Variants in ZBTB20 observed in about 807,000 individuals in gnomAD.
ZBTB20 encodes the protein zinc finger and BTB domain-containing protein 20.
Under a neutral mutation model 56.9 loss-of-function variants are expected in ZBTB20, and 9 were observed. The observed-to-expected ratio is 0.16, with a 90% confidence interval of 0.10 to 0.28. ZBTB20 has a LOEUF of 0.28. Ranked by LOEUF, ZBTB20 falls within the 10% of genes least tolerant of loss-of-function variation. ZBTB20 has a pLI of 1.00. For missense variants in ZBTB20, 655 were observed against 1,003.0 expected (o/e 0.65, Z 4.69); for synonymous variants, 417 against 420.7 (o/e 0.99, Z 0.11).
chr3:114,558,170 C>T (rs2051499592), intron 6 of ZBTB20, among the ~76,000 whole-genome samples: 1 of 151,974 alleles, frequency 6.6e-6, no homozygotes. Context: ...GACATTTAAA[C>T]TTCTATTAAA....
At position 114,586,624 on chromosome 3, in the gene ZBTB20, A is replaced by T. The variant is rs543202435; in HGVS notation, c.-294-86233T>A. Among the ~76,000 whole-genome samples the T allele has an allele frequency of 2.0e-5, 3 of 152,352 alleles. No individual in the cohort carries two copies. In the South Asian group the frequency reaches 6.2e-4, roughly 32 times the overall value. On this transcript the variant is annotated intron_variant, in intron 6 of 11. Coordinates refer to ENST00000675478, the MANE Select transcript of ZBTB20 (RefSeq NM_001348800.3). Reference sequence around the variant, plus strand: ...CAGAGAACATTTTAACTGTGGTAAAATAAAGTAATATAATATCAAATTAAT... The same window carrying T: ...CAGAGAACATTTTAACTGTGGTAAATTAAAGTAATATAATATCAAATTAAT...
chr3:114,593,844 G>A (rs567353936), intron 6 of ZBTB20, among the ~76,000 whole-genome samples: 19 of 152,248 alleles, frequency 1.2e-4, no homozygotes, highest in East Asian at 1.9e-4. Context: ...ACTCATCTCC[G>A]TAATATAGTA....
intron 3 of ZBTB20, among the ~76,000 whole-genome samples, chr3:114,910,122 T>C (rs1006280061): frequency 6.6e-6 from 1 of 151,968 alleles, no homozygotes; most frequent in African/African-American, 2.4e-5. Context: ...CTGAATACTA[T>C]GAAATACTTT....
At chr3:114,838,230 A>C (rs1469506749) in intron 4 of ZBTB20, among the ~76,000 whole-genome samples, 1 of 152,218 alleles carries the variant, frequency 6.6e-6, no homozygotes, top group Non-Finnish European at 1.5e-5. Context: ...AAGCATTTTT[A>C]GGGAAAATAA....
intron 3 of ZBTB20, among the ~76,000 whole-genome samples, chr3:114,943,687 A>T (rs1412263133): frequency 2.1e-5 from 3 of 145,480 alleles, no homozygotes; most frequent in Admixed American, 2.0e-4. Flanking sequence ...AGAAATAAGG[A>T]TGATAATAAA....
At chr3:114,443,039 C>A (rs941725155) in intron 7 of ZBTB20, among the ~76,000 whole-genome samples, 1 of 152,054 alleles carries the variant, frequency 6.6e-6, no homozygotes, top group Non-Finnish European at 1.5e-5. Flanking sequence ...CAAATTTAGA[C>A]CAGATTACAC....
In ZBTB20 at chr3:115,143,011, G is replaced by GA. The variant is rs902700329; in HGVS notation, c.-703+4207dup. 3.3e-5 allele frequency among the ~76,000 whole-genome samples: 5 copies of GA among 151,994 alleles called. No individual in the cohort carries two copies. In the South Asian group the frequency reaches 6.2e-4, roughly 19 times the overall value. On this transcript the variant is annotated intron_variant, in intron 1 of 11. Transcript: ENST00000675478. ...AAGTAAGACTCACCATGACAGATGGGAAAAAAAATTAAAAAGGAAAAACTG... is the reference window on the plus strand; with the variant it reads ...AAGTAAGACTCACCATGACAGATGGGAAAAAAAAATTAAAAAGGAAAAACTG...
At chr3:115,005,454 T>A (rs1455059526) in intron 2 of ZBTB20, among the ~76,000 whole-genome samples, 2 of 151,834 alleles carry the variant, frequency 1.3e-5, no homozygotes, top group African/African-American at 4.8e-5. Context: ...GTTTAGTTGC[T>A]ATTACTATTT....
rs1436898926 is a variant in ZBTB20 at position 114,988,602 on chromosome 3, T to C, written c.-506-14186A>G. 2.6e-5 allele frequency among the ~76,000 whole-genome samples: 4 copies of C among 152,292 alleles called. No homozygotes were observed. The East Asian group carries it at 7.7e-4, about 29-fold the overall frequency. ...TTACAGCAGCATGATTTATAATCCT[T>C]TGGGTATATACTCAGTAATGAGATG... is the stretch of plus-strand genomic sequence containing the variant. On this transcript the variant is annotated intron_variant, in intron 2 of 11. Transcript: ENST00000675478.
chr3:114,363,247 AGAAT>A (rs1192491919), intron 10 of ZBTB20, among the ~76,000 whole-genome samples: 1 of 152,210 alleles, frequency 6.6e-6, no homozygotes, highest in African/African-American at 2.4e-5. Flanking sequence ...ATCAGCTATT[AGAAT>A]GATCCCTTAT....
intron 1 of ZBTB20, among the ~76,000 whole-genome samples, chr3:115,127,091 G>A (rs2084354090): frequency 6.6e-6 from 1 of 152,150 alleles, no homozygotes; most frequent in Non-Finnish European, 1.5e-5. Context: ...TTGAGATTCT[G>A]CATTTTAAGC....
At chr3:114,953,352 A>C (rs2077138220) in intron 3 of ZBTB20, among the ~76,000 whole-genome samples, 1 of 152,062 alleles carries the variant, frequency 6.6e-6, no homozygotes, top group Non-Finnish European at 1.5e-5. Context: ...TATAAAATGA[A>C]AGACATTAAT....
chr3:114,531,863 G>A (rs935157469), intron 6 of ZBTB20, among the ~76,000 whole-genome samples: 4 of 152,172 alleles, frequency 2.6e-5, no homozygotes, highest in South Asian at 2.1e-4. Context: ...GTGGGGCATC[G>A]CTTCACCCAG....
intron 1 of ZBTB20, among the ~76,000 whole-genome samples, chr3:115,146,362 A>G (rs980001950): frequency 7.2e-6 from 1 of 137,994 alleles, no homozygotes. Flanking sequence ...CTTAAAAAGG[A>G]TAACAGCTGG....
intron 1 of ZBTB20, among the ~76,000 whole-genome samples, chr3:115,077,017 A>C (rs773466344): frequency 6.6e-5 from 10 of 152,174 alleles, no homozygotes; most frequent in Non-Finnish European, 1.5e-4. Flanking sequence ...CTCAGGCGGT[A>C]ATGCTCACTG....
chr3:114,932,698 C>A (rs1343874834), intron 3 of ZBTB20, among the ~76,000 whole-genome samples: 1 of 152,126 alleles, frequency 6.6e-6, no homozygotes, highest in Non-Finnish European at 1.5e-5. Context: ...TTGGAAACAA[C>A]CCCATGAAAC....
At chr3:114,835,728 T>C (rs561985947) in intron 4 of ZBTB20, among the ~76,000 whole-genome samples, 1 of 152,302 alleles carries the variant, frequency 6.6e-6, no homozygotes, top group South Asian at 2.1e-4. Flanking sequence ...TGGTAGTCCA[T>C]AGATACCTAA....
At chr3:114,551,950 C>T (rs890285246) in intron 6 of ZBTB20, among the ~76,000 whole-genome samples, 22 of 152,244 alleles carry the variant, frequency 1.4e-4, no homozygotes, top group African/African-American at 5.1e-4. Context: ...CGGCTCACAT[C>T]TATAATCCCA....
chr3:115,057,467 C>T (rs1006202770), intron 2 of ZBTB20, among the ~76,000 whole-genome samples: 3 of 152,104 alleles, frequency 2.0e-5, no homozygotes, highest in African/African-American at 7.2e-5. Flanking sequence ...CAACAACACA[C>T]TTCTATTTCC....
Sources: allele counts gnomAD v4.1 joint callset (sites outside exome capture counted in the v4.1 genomes callset), GRCh38; gene constraint gnomAD v4.1.1; transcripts MANE v1.5; gene names NCBI Gene and HGNC (gene_info 2026-07-23, HGNC 2026-07-21).